The following PCDHGA3 variants were observed in gnomAD, a reference collection of about 807,000 sequenced individuals.
PCDHGA3 encodes protocadherin gamma subfamily A, 3, also known as protocadherin gamma-A3.
In PCDHGA3, 40 loss-of-function variants were observed where a neutral mutation model predicts 58.5. The ratio of observed to expected loss-of-function variants is 0.68; its 90% CI spans 0.53 to 0.89. PCDHGA3 has a LOEUF of 0.89. Ranked by LOEUF, PCDHGA3 falls within the 40% of genes least tolerant of loss-of-function variation. PCDHGA3 has a pLI of 0.00. For missense variants in PCDHGA3, 1,223 were observed against 1,195.9 expected, an observed-to-expected ratio of 1.02 and a Z score of -0.33; for synonymous variants, 530 against 525.7, an observed-to-expected ratio of 1.01 and a Z score of -0.11.
chr5:141,500,986 A>G (rs1223940696), intron 2 of PCDHGA3, among the ~76,000 whole-genome samples: 1 of 151,656 alleles, frequency 6.6e-6, no homozygotes, highest in East Asian at 1.9e-4. Flanking sequence ...CTCCTGCCTC[A>G]GCCTCCTGAG....
chr5:141,353,607 C>A (rs1759331003), intron 1 of PCDHGA3, among the ~76,000 whole-genome samples: 1 of 152,158 alleles, frequency 6.6e-6, no homozygotes, highest in South Asian at 2.1e-4. Flanking sequence ...CTTAACCATT[C>A]CTAAATTATT....
chr5:141,384,340 A>C (rs970369905), intron 1 of PCDHGA3: 6 of 1,613,856 alleles, frequency 3.7e-6, no homozygotes, highest in South Asian at 1.1e-5. Context: ...GGACCACGAC[A>C]GTGAGGATAA....
chr5:141,366,103 G>T, intron 1 of PCDHGA3: 1 of 1,614,244 alleles, frequency 6.2e-7, no homozygotes, highest in Non-Finnish European at 8.5e-7. Flanking sequence ...TGACCAAGGT[G>T]GTAGCGGTGG....
rs115990854 is a variant in PCDHGA3 at position 141,433,033 on chromosome 5, C to T, written c.2425-61774C>T. On this transcript the variant is annotated intron_variant, in intron 1 of 3. Coordinates refer to ENST00000253812, the MANE Select transcript of PCDHGA3 (RefSeq NM_018916.4). ...TGCAGACCTATTCCCACGAGGTTTC[C>T]CTCACCACGGACTCGCGGAAGAGTC... The T allele has an allele frequency of 6.4e-3, 10,342 of 1,614,162 alleles. 43 individuals are homozygous for T. The highest frequency in any genetic ancestry group is 8.6e-3 in the Middle Eastern group (52 of 6,062).
At chr5:141,506,240 G>A (rs918820495) in intron 3 of PCDHGA3, among the ~76,000 whole-genome samples, 8 of 152,184 alleles carry the variant, frequency 5.3e-5, no homozygotes, top group Middle Eastern at 3.4e-3. Flanking sequence ...CATGAGGTCA[G>A]GAGTTCGAAA....
intron 1 of PCDHGA3, chr5:141,383,579 A>G (rs756026538): frequency 6.2e-7 from 1 of 1,613,596 alleles, no homozygotes. Context: ...AGCACCGCCC[A>G]CATCCAGGTG....
At chr5:141,403,261 G>A in intron 1 of PCDHGA3, 1 of 1,613,852 alleles carries the variant, frequency 6.2e-7, no homozygotes, top group East Asian at 2.2e-5. Flanking sequence ...CGCGGTGTCT[G>A]GTGAACTTTA....
At chr5:141,478,712 G>T in intron 1 of PCDHGA3, 1 of 1,547,046 alleles carries the variant, frequency 6.5e-7, no homozygotes, top group Non-Finnish European at 8.7e-7. Flanking sequence ...TTTGTGAGAT[G>T]GTGGCCTGCC....
chr5:141,385,265 A>G lies in PCDHGA3; in HGVS notation c.2424+38808A>G. Reference sequence around the variant, plus strand: ...AGCCAGGAGAGCTGTGAGAAAAATGATTCTTTGCTAACATCCGTAGATTTT... The same window carrying G: ...AGCCAGGAGAGCTGTGAGAAAAATGGTTCTTTGCTAACATCCGTAGATTTT... On this transcript the variant is annotated intron_variant, in intron 1 of 3. Transcript: ENST00000253812. 1.2e-6 allele frequency: 2 copies of G among 1,613,710 alleles called. No individual in the cohort carries two copies. Among genetic ancestry groups the G allele is most frequent in the Non-Finnish European group, 1.7e-6 (2 of 1,179,576 alleles).
In PCDHGA3 at chr5:141,404,936, G is replaced by A. The variant is rs755365273; in HGVS notation, c.2424+58479G>A. ...TCTCTCGGCCACTGTCACGCTCACA[G>A]TAGCCATAGCTGACAGCATCCCAGA... is the stretch of plus-strand genomic sequence containing the variant. On this transcript the variant is annotated intron_variant, in intron 1 of 3. Coordinates refer to ENST00000253812, the MANE Select transcript of PCDHGA3 (RefSeq NM_018916.4). 1.9e-6 allele frequency: 3 copies of A among 1,613,858 alleles called. No individual in the cohort carries two copies. The South Asian group carries it at 3.3e-5, about 18-fold the overall frequency.
At chr5:141,383,933 C>T (rs963043498) in intron 1 of PCDHGA3, 3 of 1,613,844 alleles carry the variant, frequency 1.9e-6, no homozygotes, top group East Asian at 2.2e-5. Context: ...GATAATGCTC[C>T]AGAAGTGACT....
intron 1 of PCDHGA3, chr5:141,391,032 T>C (rs908748282): frequency 2.0e-5 from 3 of 152,212 alleles, no homozygotes; most frequent in African/African-American, 7.2e-5. Context: ...AAGACAATGT[T>C]TTGTGTCTGT....
chr5:141,410,788 C>A, intron 1 of PCDHGA3: 2 of 712,228 alleles, frequency 2.8e-6, no homozygotes, highest in Non-Finnish European at 4.0e-6. Context: ...GTATTTGGTT[C>A]ATAAGTTGCT....
In PCDHGA3 at chr5:141,398,540, T is replaced by C. The variant is rs372892054; in HGVS notation, c.2424+52083T>C. On this transcript the variant is annotated intron_variant, in intron 1 of 3. Transcript: ENST00000253812. The stretch of plus-strand genomic sequence containing the variant: ...ACGCCAAAATTCACGCAAAATTCCT[T>C]TGAGCTGCAAATAAGTGAGTCTGCA... 12 of 1,613,764 alleles carry C rather than the reference T, an allele frequency of 7.4e-6. No homozygotes were observed. The African/African-American group carries it at 1.2e-4, about 16-fold the overall frequency.
intron 1 of PCDHGA3, chr5:141,360,621 T>A: frequency 6.2e-7 from 1 of 1,614,026 alleles, no homozygotes; most frequent in Non-Finnish European, 8.5e-7. Flanking sequence ...ATTCAGATGT[T>A]GGTCCTAACT....
At chr5:141,383,558 C>A (rs374657057) in intron 1 of PCDHGA3, 1 of 1,612,822 alleles carries the variant, frequency 6.2e-7, no homozygotes, top group Admixed American at 1.7e-5. Flanking sequence ...GGCGGCGACC[C>A]GCCCCGATCC....
In PCDHGA3 at chr5:141,388,566, A is replaced by T. The variant is rs145399301; in HGVS notation, c.2424+42109A>T. ...TCCACCCCTAAGCAGCACTGCACAGATACACGTTCTAGTGACTGATGCCAA... is the reference window on the plus strand; with the variant it reads ...TCCACCCCTAAGCAGCACTGCACAGTTACACGTTCTAGTGACTGATGCCAA... On this transcript the variant is annotated intron_variant, in intron 1 of 3. Transcript: ENST00000253812. 134 of 1,613,852 alleles carry T rather than the reference A, an allele frequency of 8.3e-5. No homozygotes were observed. The East Asian group carries it at 2.4e-3, about 29-fold the overall frequency.
At chr5:141,501,298 C>CAG (rs2099807427) in intron 2 of PCDHGA3, among the ~76,000 whole-genome samples, 1 of 148,330 alleles carries the variant, frequency 6.7e-6, no homozygotes, top group Non-Finnish European at 1.5e-5. Context: ...TATACACACA[C>CAG]ACACACACAC....
In PCDHGA3 at chr5:141,400,602, A is replaced by C; in HGVS notation, c.2424+54145A>C. 3.1e-6 allele frequency: 5 copies of C among 1,590,234 alleles called. No homozygotes were observed. In the South Asian group the frequency reaches 5.6e-5, roughly 18 times the overall value. ...TTACATGAAACTATCGTACATTTTCAAGTCCAATGAGTTGTCTTAGGGAAG... is the reference window on the plus strand; with the variant it reads ...TTACATGAAACTATCGTACATTTTCCAGTCCAATGAGTTGTCTTAGGGAAG... On this transcript the variant is annotated intron_variant, in intron 1 of 3. Transcript: ENST00000253812.
Sources: gnomAD v4.1 joint callset for allele counts (sites outside exome capture counted in the v4.1 genomes callset) on GRCh38, gnomAD v4.1.1 for gene constraint, MANE v1.5 for transcripts, NCBI Gene and HGNC (gene_info 2026-07-23, HGNC 2026-07-21) for gene names.